The following CSMD1 variants were observed in gnomAD, a reference collection of about 807,000 sequenced individuals.
The protein encoded by CSMD1 is CUB and sushi domain-containing protein 1.
A neutral mutation model predicts 417.5 loss-of-function variants in CSMD1; 213 were observed. The ratio of observed to expected loss-of-function variants is 0.51; its 90% CI spans 0.46 to 0.57. The LOEUF is 0.57. Ranked by LOEUF, CSMD1 falls within the 20% of genes least tolerant of loss-of-function variation. The pLI is 0.00. For synonymous variants in CSMD1, 2,862 were observed against 1,736.8 expected (o/e 1.65, Z -16.11); for missense variants, 6,923 against 4,529.7 (o/e 1.53, Z -15.17).
At chr8:4,431,636 A>G (rs1490081490) in intron 2 of CSMD1, among the ~76,000 whole-genome samples, 2 of 152,196 alleles carry the variant, frequency 1.3e-5, no homozygotes, top group African/African-American at 4.8e-5. Context: ...CAGACAAACA[A>G]AAAACAGAGG....
intron 3 of CSMD1, among the ~76,000 whole-genome samples, chr8:4,220,341 A>G (rs1300267172): frequency 6.6e-6 from 1 of 152,226 alleles, no homozygotes; most frequent in Non-Finnish European, 1.5e-5. Flanking sequence ...GTTAGCATGT[A>G]CAACAGCAGG....
intron 10 of CSMD1, among the ~76,000 whole-genome samples, chr8:3,514,864 A>T (rs1358082337): frequency 1.3e-5 from 2 of 152,158 alleles, no homozygotes; most frequent in Admixed American, 6.5e-5. Flanking sequence ...ATGACTTTTT[A>T]AAAAATCAGA....
intron 3 of CSMD1, among the ~76,000 whole-genome samples, chr8:4,264,779 G>A (rs760019948): frequency 1.5e-4 from 23 of 152,076 alleles, no homozygotes; most frequent in Admixed American, 1.2e-3. Context: ...CCATTTTTGC[G>A]CCATAAACTT....
At chr8:4,402,982 G>A (rs1356352867) in intron 3 of CSMD1, among the ~76,000 whole-genome samples, 1 of 151,740 alleles carries the variant, frequency 6.6e-6, no homozygotes, top group Non-Finnish European at 1.5e-5. Flanking sequence ...ACCATGCCTG[G>A]CTAATTTTCT....
chr8:3,320,798 C>T (rs530842423), intron 23 of CSMD1, among the ~76,000 whole-genome samples: 104 of 152,302 alleles, frequency 6.8e-4, no homozygotes, highest in African/African-American at 2.5e-3. Context: ...GCATTAATAA[C>T]CTAAGCCACC....
At chr8:3,485,642 C>T (rs554769508) in intron 11 of CSMD1, among the ~76,000 whole-genome samples, 71 of 151,746 alleles carry the variant, frequency 4.7e-4, no homozygotes, top group African/African-American at 1.7e-3. Flanking sequence ...TGCTGGTTAT[C>T]CCAGCTACTC....
chr8:4,777,263 G>A (rs969288211), intron 1 of CSMD1, among the ~76,000 whole-genome samples: 66 of 152,210 alleles, frequency 4.3e-4, no homozygotes, highest in African/African-American at 1.5e-3. Flanking sequence ...AGGCAAGGCA[G>A]TGCGAGAAAC....
chr8:4,834,528 G>C (rs1234601681), intron 1 of CSMD1, among the ~76,000 whole-genome samples: 2 of 152,092 alleles, frequency 1.3e-5, no homozygotes, highest in Non-Finnish European at 2.9e-5. Context: ...TGAAGATAAG[G>C]GTGAGCTTTC....
At chr8:4,748,282 C>T (rs193042119) in intron 1 of CSMD1, among the ~76,000 whole-genome samples, 1 of 152,354 alleles carries the variant, frequency 6.6e-6, no homozygotes, top group African/African-American at 2.4e-5. Flanking sequence ...ACAAGCAAAT[C>T]ATCATCCTTT....
chr8:3,251,998 T>G (rs144558831), intron 26 of CSMD1, among the ~76,000 whole-genome samples: 1 of 152,248 alleles, frequency 6.6e-6, no homozygotes, highest in Non-Finnish European at 1.5e-5. Context: ...TATAGAATCA[T>G]GTCATCTGCA....
intron 5 of CSMD1, among the ~76,000 whole-genome samples, chr8:3,836,237 A>G (rs2129090736): frequency 6.6e-6 from 1 of 152,158 alleles, no homozygotes; most frequent in Non-Finnish European, 1.5e-5. Context: ...TATCTTTAAT[A>G]TTTGGTTATC....
chr8:4,693,312 AT>A (rs1438451387), intron 1 of CSMD1, among the ~76,000 whole-genome samples: 2 of 152,322 alleles, frequency 1.3e-5, no homozygotes, highest in East Asian at 3.9e-4. Flanking sequence ...CAAAAACATC[AT>A]AACTTTGTAT....
chr8:4,905,618 GGCCA>G (rs1353574901), intron 1 of CSMD1, among the ~76,000 whole-genome samples: 1 of 151,644 alleles, frequency 6.6e-6, no homozygotes, highest in Non-Finnish European at 1.5e-5. Flanking sequence ...ATGAGATCGA[GGCCA>G]TCCTGGCTAA....
Position 4,359,668 on chromosome 8 carries a change from T to G in CSMD1, c.415+60285A>C, listed in dbSNP as rs565368555. Among the ~76,000 whole-genome samples, 7 of 152,328 alleles carry G rather than the reference T, an allele frequency of 4.6e-5. No homozygotes were observed. The East Asian group carries it at 1.4e-3, about 29-fold the overall frequency. On this transcript the variant is annotated intron_variant, in intron 3 of 69. Coordinates refer to ENST00000635120, the MANE Select transcript of CSMD1 (RefSeq NM_033225.6). ...CCTTGCAAATGTGTGTGGTTGATTC[T>G]GGGTATGAATCCTCAGCCCTCTGGG...
At chr8:4,446,683 G>C (rs1460620458) in intron 2 of CSMD1, among the ~76,000 whole-genome samples, 1 of 151,524 alleles carries the variant, frequency 6.6e-6, no homozygotes, top group Non-Finnish European at 1.5e-5. Flanking sequence ...CTCCTGAGTA[G>C]CTGCGATTAC....
intron 5 of CSMD1, among the ~76,000 whole-genome samples, chr8:3,862,281 C>G (rs556741483): frequency 6.6e-6 from 1 of 152,184 alleles, no homozygotes; most frequent in Non-Finnish European, 1.5e-5. Flanking sequence ...TTACCATTAC[C>G]TCTTAGAACG....
At chr8:4,409,963 G>C (rs559062502) in intron 3 of CSMD1, among the ~76,000 whole-genome samples, 1 of 151,990 alleles carries the variant, frequency 6.6e-6, no homozygotes, top group Non-Finnish European at 1.5e-5. Flanking sequence ...ACAGGCACCC[G>C]CCACTACGCC....
chr8:4,923,381 G>C (rs13271435), intron 1 of CSMD1, among the ~76,000 whole-genome samples: 1 of 151,972 alleles, frequency 6.6e-6, no homozygotes, highest in East Asian at 1.9e-4. Context: ...AATAAAGAGT[G>C]TAACTGGATT....
At chr8:4,891,056 A>G (rs933205461) in intron 1 of CSMD1, among the ~76,000 whole-genome samples, 13 of 152,132 alleles carry the variant, frequency 8.5e-5, no homozygotes, top group Non-Finnish European at 2.9e-5. Context: ...ACATGCCCAA[A>G]TTAATAGTTA....
Sources: allele counts gnomAD v4.1 joint callset (sites outside exome capture counted in the v4.1 genomes callset), GRCh38; gene constraint gnomAD v4.1.1; transcripts MANE v1.5; gene names NCBI Gene and HGNC (gene_info 2026-07-23, HGNC 2026-07-21).